Variants in SSBP3 observed in about 807,000 individuals in gnomAD.
The protein encoded by SSBP3 is single-stranded DNA-binding protein 3.
Under a neutral mutation model 69.6 loss-of-function variants are expected in SSBP3, and 5 were observed. That is an observed-to-expected ratio of 0.07 (90% CI 0.04 to 0.15). The LOEUF is 0.15. Ranked by LOEUF, SSBP3 falls within the 10% of genes least tolerant of loss-of-function variation. The pLI, the probability that SSBP3 is intolerant of heterozygous loss-of-function variation, is 1.00. For missense variants in SSBP3, 312 were observed against 534.0 expected, an observed-to-expected ratio of 0.58 and a Z score of 4.10; for synonymous variants, 196 against 193.4, an observed-to-expected ratio of 1.01 and a Z score of -0.11.
At chr1:54,413,261 T>A (rs1650037843) in intron 1 of SSBP3, 1 of 152,164 alleles carries the variant, frequency 6.6e-6, no homozygotes, top group Non-Finnish European at 1.5e-5. Flanking sequence ...CCTCTAAAAA[T>A]TTTATTAGTC....
chr1:54,240,102 G>GTC, intron 13 of SSBP3, among the ~76,000 whole-genome samples: 1 of 6,032 alleles, frequency 1.7e-4, no homozygotes, highest in Middle Eastern at 0.1. Context: ...GCGCGCGCGT[G>GTC]TGCGTGCGCG....
At chr1:54,300,896 G>A (rs1466659788) in intron 4 of SSBP3, among the ~76,000 whole-genome samples, 1 of 152,204 alleles carries the variant, frequency 6.6e-6, no homozygotes, top group Middle Eastern at 3.2e-3. Context: ...TTACCTTGAA[G>A]AAGTTCCCTG....
intron 4 of SSBP3, among the ~76,000 whole-genome samples, chr1:54,284,988 T>C (rs919742720): frequency 3.3e-5 from 5 of 152,124 alleles, no homozygotes; most frequent in Admixed American, 6.6e-5. Flanking sequence ...GGGTGGAAGA[T>C]GGAGTTTTGC....
chr1:54,309,367 G>A (rs1170058895), intron 4 of SSBP3, among the ~76,000 whole-genome samples: 1 of 152,216 alleles, frequency 6.6e-6, no homozygotes, highest in Non-Finnish European at 1.5e-5. Context: ...TGACATTGGC[G>A]AGTGAAGTTT....
At chr1:54,280,778 T>C (rs1438113652) in intron 5 of SSBP3, among the ~76,000 whole-genome samples, 1 of 151,446 alleles carries the variant, frequency 6.6e-6, no homozygotes, top group Non-Finnish European at 1.5e-5. Context: ...GAAAGCCCAA[T>C]TTCACACACC....
intron 5 of SSBP3, among the ~76,000 whole-genome samples, chr1:54,278,335 T>C (rs1306546229): frequency 9.9e-5 from 15 of 152,104 alleles, no homozygotes. Flanking sequence ...GCTTTTTTTT[T>C]TTTTAAAGGT....
chr1:54,346,161 C>CAAA (rs779933899), intron 4 of SSBP3, among the ~76,000 whole-genome samples: 3 of 132,470 alleles, frequency 2.3e-5, no homozygotes, highest in Non-Finnish European at 4.9e-5. Flanking sequence ...GACTTCATCT[C>CAAA]AAAAAAAAAA....
At chr1:54,243,537 A>T (rs896197104) in intron 9 of SSBP3, among the ~76,000 whole-genome samples, 2 of 152,232 alleles carry the variant, frequency 1.3e-5, no homozygotes, top group African/African-American at 4.8e-5. Context: ...AGGAGCTTTC[A>T]AGATGAAGTT....
At chr1:54,245,939 T>G (rs1315840533) in intron 9 of SSBP3, among the ~76,000 whole-genome samples, 1 of 152,168 alleles carries the variant, frequency 6.6e-6, no homozygotes, top group African/African-American at 2.4e-5. Context: ...AATGACCCCT[T>G]TCCTCCACCC....
chr1:54,411,162 TCCTA>T (rs760966707), upstream of SSBP3, among the ~76,000 whole-genome samples: 12 of 152,214 alleles, frequency 7.9e-5, no homozygotes, highest in Non-Finnish European at 1.8e-4. Flanking sequence ...TTTGTTTTTT[TCCTA>T]CCTATTTCCT....
chr1:54,263,865 A>G (rs1338154630), intron 5 of SSBP3, among the ~76,000 whole-genome samples: 6 of 152,132 alleles, frequency 3.9e-5, no homozygotes, highest in African/African-American at 1.4e-4. Context: ...CACATCTAAC[A>G]CCTTGGGGCT....
At position 54,235,730 on chromosome 1, in the gene SSBP3, G is replaced by A. The variant is rs79617076; in HGVS notation, c.927+3399C>T. On this transcript the variant is annotated intron_variant, in intron 14 of 17. Coordinates refer to ENST00000610401, the Ensembl canonical transcript of SSBP3. ...CCCAACGTGCTCGGATTACAGGCAT[G>A]AGCCACCGTGCCCGGCCAGATGTCC... 6.3e-3 allele frequency among the ~76,000 whole-genome samples: 957 copies of A among 152,108 alleles called. 14 individuals carry two copies. The highest frequency in any genetic ancestry group is 0.022 in the African/African-American group (915 of 41,466).
intron 16 of SSBP3, 32 bp from the exon 17 acceptor site, chr1:54,228,388 T>G: frequency 6.2e-7 from 1 of 1,614,118 alleles, no homozygotes; most frequent in Non-Finnish European, 8.5e-7. Context: ...TGAGCACCTG[T>G]GTCCCCAACA....
intron 14 of SSBP3, 68 bp from the exon 15 acceptor site, chr1:54,228,894 G>A: frequency 6.6e-7 from 1 of 1,522,452 alleles, no homozygotes; most frequent in South Asian, 1.2e-5. Context: ...ACAGGCAGGG[G>A]GCTGCAGCCA....
chr1:54,257,235 T>G, intron 6 of SSBP3, 49 bp from the exon 7 acceptor site: 1 of 1,503,324 alleles, frequency 6.7e-7, no homozygotes, highest in Non-Finnish European at 8.9e-7. Context: ...TACTGCACAG[T>G]GACAAACACA....
intron 4 of SSBP3, among the ~76,000 whole-genome samples, chr1:54,304,120 T>A (rs1645853609): frequency 6.6e-6 from 1 of 152,164 alleles, no homozygotes; most frequent in Non-Finnish European, 1.5e-5. Context: ...CTCCTGAGCC[T>A]GTGCAGGACA....
intron 4 of SSBP3, among the ~76,000 whole-genome samples, chr1:54,317,622 T>C (rs1294913753): frequency 2.6e-5 from 4 of 152,192 alleles, no homozygotes; most frequent in African/African-American, 9.7e-5. Context: ...GCAGCCTTTT[T>C]TCCAAGTCTA....
Position 54,401,954 on chromosome 1 carries a change from A to G in SSBP3, c.192-9T>C. 6.2e-7 allele frequency: 1 copy of G among 1,612,376 alleles called. No individual in the cohort carries two copies. Among genetic ancestry groups the G allele is most frequent in the Non-Finnish European group, 8.5e-7 (1 of 1,178,568 alleles). Reference sequence around the variant, plus strand: ...AAAGGTCCCAAAATACACTGCGAGGAGGAAAATAAAATAAGGTCAGGTTAC... The same window carrying G: ...AAAGGTCCCAAAATACACTGCGAGGGGGAAAATAAAATAAGGTCAGGTTAC... On this transcript the variant is annotated splice_polypyrimidine_tract_variant and intron_variant, in intron 3 of 17. Coordinates refer to ENST00000610401, the Ensembl canonical transcript of SSBP3.
intron 5 of SSBP3, among the ~76,000 whole-genome samples, chr1:54,277,221 T>A (rs1415183977): frequency 6.6e-6 from 1 of 152,034 alleles, no homozygotes. Flanking sequence ...ATGGTAGACA[T>A]TGCCAGTCAC....
Sources: gnomAD v4.1 joint callset for allele counts (sites outside exome capture counted in the v4.1 genomes callset) on GRCh38, gnomAD v4.1.1 for gene constraint, MANE v1.5 for transcripts, NCBI Gene and HGNC (gene_info 2026-07-23, HGNC 2026-07-21) for gene names.